The following NMI variants were observed in gnomAD, a reference collection of about 807,000 sequenced individuals.
The protein encoded by NMI is N-myc and STAT interactor.
Under a neutral mutation model 34.3 loss-of-function variants are expected in NMI, and 39 were observed. The ratio of observed to expected loss-of-function variants is 1.14; its 90% CI spans 0.88 to 1.49. The LOEUF (loss-of-function observed/expected upper bound fraction) is 1.49, where lower values mean the gene tolerates loss of function less well. Among genes scored for constraint, NMI ranks in the 40% most tolerant of loss-of-function variants. The pLI, the probability that NMI is intolerant of heterozygous loss-of-function variation, is 0.00. For synonymous variants in NMI, 113 were observed against 120.3 expected (o/e 0.94, Z 0.40); for missense variants, 339 against 358.1 (o/e 0.95, Z 0.43).
intron 1 of NMI, chr2:151,288,745 T>G (rs1195575385): frequency 6.6e-6 from 1 of 151,956 alleles, no homozygotes; most frequent in African/African-American, 2.4e-5. Context: ...TCTTCCTATA[T>G]GCATGCGTGG....
At chr2:151,279,569 C>T (rs918819677) in intron 3 of NMI, among the ~76,000 whole-genome samples, 1 of 151,008 alleles carries the variant, frequency 6.6e-6, no homozygotes, top group African/African-American at 2.4e-5. Context: ...CTCCACCTCC[C>T]GGGTTCAAAC....
Position 151,271,716 on chromosome 2 carries a change from C to G in NMI, c.651G>C (p.Leu217Phe), listed in dbSNP as rs767847370. Residue 217 changes from leucine to phenylalanine, a missense_variant, in exon 7 of 8, where the codon TTG (leucine) becomes TTC (phenylalanine). Transcript: ENST00000243346. ...TATAAAGAGGGTATTCTTTCTTTTTCAAAATCTTGTCAGCCACTAAAAGCA... is the reference window on the plus strand; with the variant it reads ...TATAAAGAGGGTATTCTTTCTTTTTGAAAATCTTGTCAGCCACTAAAAGCA... ...FVEIGVADKI[L>F]KKKEYPLYIN... 1 of 1,556,028 alleles carries G rather than the reference C, an allele frequency of 6.4e-7. No individual in the cohort carries two copies. Among genetic ancestry groups the G allele is most frequent in the South Asian group, 1.1e-5 (1 of 87,424 alleles).
chr2:151,283,088 G>C (rs1488908100), intron 1 of NMI, 134 bp from the exon 2 acceptor site: 3 of 446,084 alleles, frequency 6.7e-6, no homozygotes, highest in Non-Finnish European at 1.2e-5. Context: ...ATCATCAAAG[G>C]CTTTATTATC....
intron 1 of NMI, among the ~76,000 whole-genome samples, chr2:151,284,434 G>A (rs1375809621): frequency 6.6e-6 from 1 of 152,022 alleles, no homozygotes; most frequent in Non-Finnish European, 1.5e-5. Flanking sequence ...AAGTAGTTGG[G>A]ACTACAGGTA....
chr2:151,288,258 A>G (rs1383813033), intron 1 of NMI, among the ~76,000 whole-genome samples: 3 of 152,260 alleles, frequency 2.0e-5, no homozygotes, highest in Non-Finnish European at 4.4e-5. Flanking sequence ...TATGGAGAGC[A>G]TCCTGGATTA....
chr2:151,284,908 A>G (rs1396560600), intron 1 of NMI, among the ~76,000 whole-genome samples: 1 of 152,226 alleles, frequency 6.6e-6, no homozygotes, highest in Non-Finnish European at 1.5e-5. Flanking sequence ...GCTATGTCTT[A>G]GTTTAATGAA....
At position 151,283,143 on chromosome 2, in the gene NMI, T is replaced by C. The variant is rs559020331; in HGVS notation, c.-6-189A>G. On this transcript the variant is annotated intron_variant, in intron 1 of 7. Coordinates refer to ENST00000243346, the MANE Select transcript of NMI (RefSeq NM_004688.3). The stretch of plus-strand genomic sequence containing the variant: ...AAAGTCTGTATTTTAATAACTCCTT[T>C]TTTTTTTCTTTTTTTGAGACAGAGT... Among the ~76,000 whole-genome samples the C allele has an allele frequency of 3.9e-4, 59 of 152,114 alleles. 1 individual carries two copies. The highest frequency in any genetic ancestry group is 1.4e-3 in the African/African-American group (58 of 41,498).
chr2:151,289,507 C>A (rs1248802022), intron 1 of NMI, 86 bp downstream of exon 1: 1 of 152,204 alleles, frequency 6.6e-6, no homozygotes, highest in East Asian at 1.9e-4. Context: ...GCGCTGAGGG[C>A]TCCCACCTCC....
At chr2:151,271,554 C>G in intron 7 of NMI, 72 bp downstream of exon 7, 1 of 815,330 alleles carries the variant, frequency 1.2e-6, no homozygotes, top group South Asian at 1.5e-5. Context: ...AACAGACTCA[C>G]AACAACTTTA....
At chr2:151,283,880 A>G (rs935933666) in intron 1 of NMI, among the ~76,000 whole-genome samples, 19 of 152,244 alleles carry the variant, frequency 1.2e-4, no homozygotes, top group Non-Finnish European at 2.2e-4. Context: ...ATAGTCACCA[A>G]TAGAAAGCAC....
At chr2:151,278,719 A>C (rs1683332330) in intron 4 of NMI, 109 bp downstream of exon 4, 7 of 848,810 alleles carry the variant, frequency 8.2e-6, no homozygotes, top group African/African-American at 1.7e-5. Context: ...GAACGTCACT[A>C]TGAGGATAAG....
intron 1 of NMI, among the ~76,000 whole-genome samples, chr2:151,284,368 G>C (rs1008373840): frequency 2.0e-5 from 3 of 151,700 alleles, no homozygotes; most frequent in African/African-American, 7.3e-5. Context: ...GCATGAACAC[G>C]GCTCACTGCA....
chr2:151,283,653 T>G (rs1683447054), intron 1 of NMI, among the ~76,000 whole-genome samples: 1 of 152,232 alleles, frequency 6.6e-6, no homozygotes, highest in East Asian at 1.9e-4. Flanking sequence ...CTCCCTATTG[T>G]TCTCCCCAAA....
intron 1 of NMI, among the ~76,000 whole-genome samples, chr2:151,286,300 C>A (rs902177394): frequency 6.6e-6 from 1 of 152,118 alleles, no homozygotes; most frequent in African/African-American, 2.4e-5. Context: ...AGGGGTTCTA[C>A]AATACAACTG....
chr2:151,281,920 G>A (rs1463301223), intron 3 of NMI, 28 bp downstream of exon 3: 1 of 1,090,154 alleles, frequency 9.2e-7, no homozygotes, highest in Non-Finnish European at 1.4e-6. Flanking sequence ...CATCAAAAAT[G>A]TAGTATATAA....
intron 1 of NMI, 60 bp from the exon 2 acceptor site, chr2:151,283,014 A>G: frequency 1.2e-6 from 1 of 825,714 alleles, no homozygotes; most frequent in Non-Finnish European, 1.8e-6. Flanking sequence ...TTAAGAACAA[A>G]GAAATAAGAA....
intron 4 of NMI, chr2:151,277,744 T>C (rs1485051093): frequency 6.6e-6 from 1 of 152,204 alleles, no homozygotes; most frequent in Non-Finnish European, 1.5e-5. Flanking sequence ...TGGAATGCCT[T>C]TCAACATTTA....
chr2:151,276,536 T>G (rs1350547696), intron 4 of NMI, among the ~76,000 whole-genome samples: 1 of 152,150 alleles, frequency 6.6e-6, no homozygotes, highest in African/African-American at 2.4e-5. Context: ...CTTCCACTAT[T>G]AACAATTACC....
At position 151,270,705 on chromosome 2, in the gene NMI, G is replaced by C; in HGVS notation, c.912C>G (p.Tyr304Ter). The C allele has an allele frequency of 1.2e-6, 2 of 1,612,668 alleles. No homozygotes were observed. Among genetic ancestry groups the C allele is most frequent in the Non-Finnish European group, 1.7e-6 (2 of 1,179,122 alleles). The change falls in exon 8 of 8, where the codon TAC becomes TAG. Residue 304 changes from tyrosine (Y) to a stop codon, truncating the protein, a stop_gained. Transcript: ENST00000243346. LOFTEE classifies it high-confidence loss of function. ...KCSLGQPHIAYFEE is the reference protein window; with the variant it reads ...KCSLGQPHIA ...GATTCTGTTAAGTCTATTCTTCAAA[G>C]TATGCTATGTGAGGTTGACCTAGAG... is the stretch of plus-strand genomic sequence containing the variant.
Sources: gnomAD v4.1 joint callset for allele counts (sites outside exome capture counted in the v4.1 genomes callset) on GRCh38, gnomAD v4.1.1 for gene constraint, MANE v1.5 for transcripts, NCBI Gene and HGNC (gene_info 2026-07-23, HGNC 2026-07-21) for gene names.